Variants in DSCAML1 observed in about 807,000 individuals in gnomAD.
DSCAML1 encodes the protein DS cell adhesion molecule like 1.
Under a neutral mutation model 200.5 loss-of-function variants are expected in DSCAML1, and 38 were observed. The ratio of observed to expected loss-of-function variants is 0.19; its 90% CI spans 0.15 to 0.25. The LOEUF (loss-of-function observed/expected upper bound fraction) is 0.25, where lower values mean the gene tolerates loss of function less well. DSCAML1 is among the 10% of genes least tolerant of loss of function. The probability of loss-of-function intolerance (pLI) is 1.00; values close to 1 mark genes in which losing one functional copy is unlikely to be tolerated. For synonymous variants in DSCAML1, 1,215 were observed against 1,165.0 expected (o/e 1.04, Z -0.87); for missense variants, 2,223 against 2,858.8 (o/e 0.78, Z 5.07).
At chr11:117,701,212 G>C (rs1453950815) in intron 3 of DSCAML1, among the ~76,000 whole-genome samples, 1 of 152,156 alleles carries the variant, frequency 6.6e-6, no homozygotes, top group Non-Finnish European at 1.5e-5. Flanking sequence ...GCTGCAGTGA[G>C]CCAAGATTGT....
intron 3 of DSCAML1, among the ~76,000 whole-genome samples, chr11:117,698,409 G>A (rs2053618323): frequency 6.6e-6 from 1 of 152,146 alleles, no homozygotes; most frequent in Admixed American, 6.5e-5. Context: ...ACAGATACAT[G>A]TAAAAAAGAA....
intron 31 of DSCAML1, 37 bp downstream of exon 31, chr11:117,431,497 G>A (rs776718365): frequency 2.0e-6 from 3 of 1,500,390 alleles, no homozygotes; most frequent in Non-Finnish European, 2.7e-6. Context: ...GGAACTGGGG[G>A]GAGGTGTTCA....
intron 3 of DSCAML1, among the ~76,000 whole-genome samples, chr11:117,558,497 G>A (rs942356702): frequency 6.6e-6 from 1 of 152,220 alleles, no homozygotes; most frequent in African/African-American, 2.4e-5. Flanking sequence ...TGGGCACGGT[G>A]GCTCACGCCT....
At chr11:117,724,766 C>T (rs938150626) in intron 3 of DSCAML1, among the ~76,000 whole-genome samples, 1 of 152,222 alleles carries the variant, frequency 6.6e-6, no homozygotes, top group Non-Finnish European at 1.5e-5. Flanking sequence ...TGCCAGGCCT[C>T]TGAGAATCAT....
intron 3 of DSCAML1, among the ~76,000 whole-genome samples, chr11:117,647,018 G>A (rs1475051190): frequency 6.6e-6 from 1 of 152,210 alleles, no homozygotes; most frequent in East Asian, 1.9e-4. Context: ...AAGGGATCTT[G>A]TCCAATCCTC....
intron 3 of DSCAML1, among the ~76,000 whole-genome samples, chr11:117,729,496 A>G (rs2054185124): frequency 6.6e-6 from 1 of 152,232 alleles, no homozygotes; most frequent in African/African-American, 2.4e-5. Flanking sequence ...TGAAAAGACT[A>G]TAGAAGAAAA....
Position 117,545,235 on chromosome 11 carries a change from ACACAC to A in DSCAML1, c.512-12718_512-12714del, listed in dbSNP as rs372527794. ...ACAGAGCAAGATTCCGTAAAAAAAA[ACACAC>A]ACACACACACACACACACACAAAAC... On this transcript the variant is annotated intron_variant, in intron 3 of 32. Transcript: ENST00000651296. Among the ~76,000 whole-genome samples, 4 of 133,290 alleles carry A rather than the reference ACACAC, an allele frequency of 3.0e-5. No individual in the cohort carries two copies. In the East Asian group the frequency reaches 8.7e-4, roughly 29 times the overall value. The allele number at this position is 133,290 out of a possible 152,430, so 87.4% of individuals were successfully genotyped here.
intron 19 of DSCAML1, among the ~76,000 whole-genome samples, chr11:117,452,953 C>T (rs1425003825): frequency 6.6e-6 from 1 of 152,076 alleles, no homozygotes; most frequent in African/African-American, 2.4e-5. Flanking sequence ...TTTTTTGAGA[C>T]AGACTCTCAC....
intron 3 of DSCAML1, among the ~76,000 whole-genome samples, chr11:117,711,355 G>C (rs1413830331): frequency 6.6e-6 from 1 of 152,214 alleles, no homozygotes; most frequent in Non-Finnish European, 1.5e-5. Context: ...TTTTACAGAA[G>C]AGAAAACTGA....
chr11:117,695,278 A>T (rs2053566638), intron 3 of DSCAML1, among the ~76,000 whole-genome samples: 1 of 150,796 alleles, frequency 6.6e-6, no homozygotes, highest in East Asian at 1.9e-4. Context: ...CCTAAATAAC[A>T]GGGCAGATCT....
chr11:117,718,182 G>A (rs552768272), intron 3 of DSCAML1, among the ~76,000 whole-genome samples: 2 of 152,196 alleles, frequency 1.3e-5, no homozygotes, highest in Non-Finnish European at 2.9e-5. Flanking sequence ...GGGCATTGCC[G>A]CGCCGGCTCC....
At position 117,606,198 on chromosome 11, in the gene DSCAML1, C is replaced by G. The variant is rs959168299; in HGVS notation, c.512-73676G>C. 2.6e-5 allele frequency among the ~76,000 whole-genome samples: 4 copies of G among 152,278 alleles called. No individual in the cohort carries two copies. The South Asian group carries it at 8.3e-4, about 32-fold the overall frequency. On this transcript the variant is annotated intron_variant, in intron 3 of 32. Transcript: ENST00000651296. ...GGCTCCCACTCTTACAGGGTTCTTT[C>G]TTTCCCTCCTGAGATTTCCCTGTAA... is the stretch of plus-strand genomic sequence containing the variant.
intron 3 of DSCAML1, among the ~76,000 whole-genome samples, chr11:117,667,947 A>T (rs2053014392): frequency 6.6e-6 from 1 of 152,214 alleles, no homozygotes; most frequent in African/African-American, 2.4e-5. Context: ...ACTGCTCATT[A>T]GGTGCCCGAT....
At chr11:117,664,828 C>G (rs2052939268) in intron 3 of DSCAML1, among the ~76,000 whole-genome samples, 1 of 152,174 alleles carries the variant, frequency 6.6e-6, no homozygotes, top group Non-Finnish European at 1.5e-5. Context: ...TGGTGGAGTT[C>G]CACACCCCTA....
intron 3 of DSCAML1, among the ~76,000 whole-genome samples, chr11:117,647,385 A>G (rs903362516): frequency 2.0e-5 from 3 of 152,188 alleles, no homozygotes; most frequent in Non-Finnish European, 4.4e-5. Context: ...AGCATGAGTG[A>G]TGGCAAACAG....
intron 3 of DSCAML1, among the ~76,000 whole-genome samples, chr11:117,645,635 C>T (rs973335428): frequency 7.3e-5 from 11 of 151,116 alleles, no homozygotes; most frequent in African/African-American, 2.7e-4. Flanking sequence ...TCATTCTCAG[C>T]AAACTATCGC....
intron 3 of DSCAML1, among the ~76,000 whole-genome samples, chr11:117,643,791 CCA>C (rs2052462916): frequency 6.6e-6 from 1 of 152,200 alleles, no homozygotes; most frequent in African/African-American, 2.4e-5. Flanking sequence ...CCATCAGGCT[CCA>C]GTGTCCTCAC....
At chr11:117,654,396 C>T (rs1361689908) in intron 3 of DSCAML1, among the ~76,000 whole-genome samples, 3 of 152,206 alleles carry the variant, frequency 2.0e-5, no homozygotes, top group Non-Finnish European at 4.4e-5. Context: ...AGAGAGAGAA[C>T]ATCTGACTAT....
In DSCAML1 at chr11:117,505,823, G is replaced by A; in HGVS notation, c.1784-91C>T. On this transcript the variant is annotated intron_variant, in intron 8 of 32. Coordinates refer to ENST00000651296, the MANE Select transcript of DSCAML1 (RefSeq NM_020693.4). The surrounding 1 kb of genome is among the most constrained non-coding windows in gnomAD (Gnocchi z 6.7). ...TCACCTGCCTTACCTGGGGCTCTGG[G>A]TTGGGCCTTGAACAAAGATCCCCTG... 1 of 1,470,830 alleles carries A rather than the reference G, an allele frequency of 6.8e-7. No homozygotes were observed. Among genetic ancestry groups the A allele is most frequent in the East Asian group, 2.4e-5 (1 of 41,742 alleles). 91.1% of individuals were successfully genotyped at this position (1,470,830 alleles called of 1,614,324 possible).
Sources: allele counts gnomAD v4.1 joint callset (sites outside exome capture counted in the v4.1 genomes callset), GRCh38; gene constraint gnomAD v4.1.1; non-coding constraint Gnocchi (gnomAD v3.1); transcripts MANE v1.5; gene names NCBI Gene and HGNC (gene_info 2026-07-23, HGNC 2026-07-21).